Variants in ZMYND8 observed in about 807,000 individuals in gnomAD.
ZMYND8 encodes MYND-type zinc finger-containing chromatin reader ZMYND8.
ZMYND8 carries 37 observed loss-of-function variants against 140.8 expected under a neutral mutation model. The ratio of observed to expected loss-of-function variants is 0.26; its 90% confidence interval spans 0.20 to 0.35. The LOEUF (loss-of-function observed/expected upper bound fraction) is 0.35, where lower values mean the gene tolerates loss of function less well. Ranked by LOEUF, ZMYND8 falls within the 10% of genes least tolerant of loss-of-function variation. The pLI, the probability that ZMYND8 is intolerant of heterozygous loss-of-function variation, is 1.00. For synonymous variants in ZMYND8, 592 were observed against 597.1 expected (o/e 0.99, Z 0.12); for missense variants, 1,068 against 1,570.0 (o/e 0.68, Z 5.40).
intron 2 of ZMYND8, among the ~76,000 whole-genome samples, chr20:47,341,304 A>G (rs932678327): frequency 2.0e-5 from 3 of 152,102 alleles, no homozygotes; most frequent in Non-Finnish European, 4.4e-5. Flanking sequence ...AGGTGGGCAG[A>G]TCACTTGAGG....
At chr20:47,252,161 G>T (rs1225243881) in intron 12 of ZMYND8, among the ~76,000 whole-genome samples, 1 of 151,840 alleles carries the variant, frequency 6.6e-6, no homozygotes, top group Non-Finnish European at 1.5e-5. Flanking sequence ...AGGCATGGTG[G>T]TGGGTGCCTG....
At chr20:47,245,884 T>C (rs1001843177) in intron 14 of ZMYND8, 124 bp downstream of exon 14, 2 of 1,371,476 alleles carry the variant, frequency 1.5e-6, no homozygotes, top group African/African-American at 1.5e-5. Flanking sequence ...TCTCTCTCAG[T>C]GTGTTAGAGG....
intron 2 of ZMYND8, chr20:47,319,128 C>T (rs1254455634): frequency 9.5e-7 from 1 of 1,054,276 alleles, no homozygotes; most frequent in Non-Finnish European, 1.3e-6. Context: ...CAGCCCCGGT[C>T]TTGTACGCAT....
intron 11 of ZMYND8, among the ~76,000 whole-genome samples, chr20:47,268,001 T>C: frequency 6.6e-6 from 1 of 152,190 alleles, no homozygotes; most frequent in East Asian, 1.9e-4. Context: ...CATGAAAATA[T>C]TGGCCCTGAA....
At chr20:47,334,595 GAA>G (rs58024466) in intron 2 of ZMYND8, among the ~76,000 whole-genome samples, 3 of 139,260 alleles carry the variant, frequency 2.2e-5, no homozygotes, top group East Asian at 2.1e-4. Context: ...ACAACTCTGT[GAA>G]AAAAAAAAAT....
At chr20:47,282,440 G>C (rs950027802) in intron 9 of ZMYND8, among the ~76,000 whole-genome samples, 7 of 152,114 alleles carry the variant, frequency 4.6e-5, no homozygotes, top group Admixed American at 2.6e-4. Context: ...AAAGCTGAAT[G>C]AAGTCCAGGC....
intron 8 of ZMYND8, chr20:47,285,722 T>G (rs1469376951): frequency 1.0e-6 from 1 of 985,182 alleles, no homozygotes; most frequent in African/African-American, 1.7e-5. Context: ...CTGATAAAAC[T>G]GGGTACTATT....
chr20:47,338,971 CTTT>C (rs141938915), intron 2 of ZMYND8, among the ~76,000 whole-genome samples: 11 of 137,942 alleles, frequency 8.0e-5, no homozygotes, highest in Non-Finnish European at 4.8e-5. Flanking sequence ...ACAATTATTT[CTTT>C]TTTTTTTTTT....
At chr20:47,292,236 G>A (rs1398308905) in intron 5 of ZMYND8, among the ~76,000 whole-genome samples, 2 of 152,144 alleles carry the variant, frequency 1.3e-5, no homozygotes, top group African/African-American at 2.4e-5. Context: ...CTGATTTGAC[G>A]TTCAACGATT....
chr20:47,322,752 G>A (rs1339696235), intron 2 of ZMYND8, among the ~76,000 whole-genome samples: 2 of 152,158 alleles, frequency 1.3e-5, no homozygotes, highest in African/African-American at 4.8e-5. Flanking sequence ...GGCTCAGAGA[G>A]GCAAAGTCAT....
At chr20:47,349,575 T>C (rs999714309) in intron 1 of ZMYND8, among the ~76,000 whole-genome samples, 4 of 152,232 alleles carry the variant, frequency 2.6e-5, no homozygotes, top group Non-Finnish European at 4.4e-5. Context: ...CTGGATGCTG[T>C]TGATGGGTTC....
chr20:47,231,676 G>GCCCACA (rs1447220078), intron 16 of ZMYND8, among the ~76,000 whole-genome samples: 1 of 152,218 alleles, frequency 6.6e-6, no homozygotes, highest in East Asian at 1.9e-4. Context: ...TTGCTGCGGA[G>GCCCACA]CCCACACCAG....
At chr20:47,283,775 G>A in intron 8 of ZMYND8, 127 bp from the exon 9 acceptor site, 2 of 863,644 alleles carry the variant, frequency 2.3e-6, no homozygotes, top group Non-Finnish European at 3.6e-6. Flanking sequence ...CCTTGGAGAT[G>A]AATCCAACCA....
chr20:47,332,095 G>A (rs916072740), intron 2 of ZMYND8, among the ~76,000 whole-genome samples: 14 of 151,862 alleles, frequency 9.2e-5, no homozygotes, highest in Admixed American at 5.2e-4. Flanking sequence ...GGCGGATCAC[G>A]AGGTCAGGAG....
At chr20:47,299,651 T>C (rs1208006522) in intron 3 of ZMYND8, among the ~76,000 whole-genome samples, 4 of 152,162 alleles carry the variant, frequency 2.6e-5, no homozygotes, top group African/African-American at 7.2e-5. Flanking sequence ...GGCACAATCT[T>C]GGCTCCACTG....
At chr20:47,234,538 G>A (rs894863083) in intron 16 of ZMYND8, among the ~76,000 whole-genome samples, 1 of 152,186 alleles carries the variant, frequency 6.6e-6, no homozygotes, top group Admixed American at 6.5e-5. Context: ...CACCATGACT[G>A]CAACTGCAAG....
chr20:47,302,029 C>T (rs1227590745), intron 3 of ZMYND8, among the ~76,000 whole-genome samples: 1 of 152,188 alleles, frequency 6.6e-6, no homozygotes, highest in East Asian at 1.9e-4. Flanking sequence ...TTCCCCTCCC[C>T]ACCTTGATTG....
intron 1 of ZMYND8, chr20:47,353,361 G>T (rs1222664882): frequency 6.6e-6 from 1 of 152,196 alleles, no homozygotes; most frequent in African/African-American, 2.4e-5. Flanking sequence ...GCCCCCAATT[G>T]TTTCTTTCTG....
intron 15 of ZMYND8, 63 bp from the exon 16 acceptor site, chr20:47,236,579 G>GGTGGGAT: frequency 7.6e-6 from 11 of 1,450,246 alleles, no homozygotes; most frequent in Non-Finnish European, 1.0e-5. Flanking sequence ...ACAAAGCTGT[G>GGTGGGAT]GTGTAGAAGC....
Sources: allele counts gnomAD v4.1 joint callset (sites outside exome capture counted in the v4.1 genomes callset), GRCh38; gene constraint gnomAD v4.1.1; transcripts MANE v1.5; gene names NCBI Gene and HGNC (gene_info 2026-07-23, HGNC 2026-07-21).